Variants in PRKCA observed in about 807,000 individuals in gnomAD.
The protein encoded by PRKCA is protein kinase C alpha type.
Under a neutral mutation model 87.0 loss-of-function variants are expected in PRKCA, and 27 were observed. That is an observed-to-expected ratio of 0.31 (90% CI 0.23 to 0.43). The LOEUF is 0.43. PRKCA is among the 20% of genes least tolerant of loss of function. The pLI is 1.00. For missense variants in PRKCA, 518 were observed against 852.3 expected, an observed-to-expected ratio of 0.61 and a Z score of 4.88; for synonymous variants, 329 against 311.1, an observed-to-expected ratio of 1.06 and a Z score of -0.61.
At chr17:66,330,556 T>C (rs1258283405) in intron 2 of PRKCA, among the ~76,000 whole-genome samples, 1 of 152,218 alleles carries the variant, frequency 6.6e-6, no homozygotes, top group Admixed American at 6.5e-5. Context: ...CTATTCATCC[T>C]GTCAGAAGAG....
chr17:66,695,244 A>G (rs533967928), intron 8 of PRKCA, among the ~76,000 whole-genome samples: 49 of 152,348 alleles, frequency 3.2e-4, no homozygotes, highest in African/African-American at 1.2e-3. Context: ...AACCCCAGCC[A>G]TGGACCTGGC....
intron 3 of PRKCA, among the ~76,000 whole-genome samples, chr17:66,621,079 A>C (rs1970667066): frequency 6.6e-6 from 1 of 152,188 alleles, no homozygotes. Context: ...CTAAAGAGGA[A>C]CTCAAAGTTC....
At chr17:66,495,142 C>T (rs933595500) in intron 2 of PRKCA, among the ~76,000 whole-genome samples, 1 of 150,096 alleles carries the variant, frequency 6.7e-6, no homozygotes, top group South Asian at 2.1e-4. Flanking sequence ...CTTTCTATAA[C>T]AGTTATTTTG....
chr17:66,635,724 A>G (rs1340506512), intron 3 of PRKCA, among the ~76,000 whole-genome samples: 1 of 152,234 alleles, frequency 6.6e-6, no homozygotes, highest in African/African-American at 2.4e-5. Context: ...AGTATATTTA[A>G]TACATATGTA....
chr17:66,538,282 T>C (rs1212187986), intron 3 of PRKCA, among the ~76,000 whole-genome samples: 1 of 152,180 alleles, frequency 6.6e-6, no homozygotes, highest in South Asian at 2.1e-4. Flanking sequence ...AGTTTCCTCT[T>C]CTGCAAAATG....
intron 3 of PRKCA, among the ~76,000 whole-genome samples, chr17:66,596,483 A>G (rs1481623150): frequency 6.6e-6 from 1 of 150,574 alleles, no homozygotes; most frequent in Non-Finnish European, 1.5e-5. Flanking sequence ...AGTGATCAGT[A>G]TCTTCTTCAG....
chr17:66,790,993 T>TG (rs1475450952), intron 16 of PRKCA, among the ~76,000 whole-genome samples: 2 of 112,302 alleles, frequency 1.8e-5, no homozygotes, highest in East Asian at 7.0e-4. Flanking sequence ...GTTTGCTGGT[T>TG]TTTTTTTTTT....
intron 2 of PRKCA, chr17:66,404,240 C>A (rs1357064488): frequency 6.6e-6 from 1 of 152,168 alleles, no homozygotes; most frequent in African/African-American, 2.4e-5. Flanking sequence ...CTAGGAGAAG[C>A]CCAGGAAATG....
intron 5 of PRKCA, among the ~76,000 whole-genome samples, chr17:66,681,469 C>T (rs1598869652): frequency 6.6e-6 from 1 of 152,006 alleles, no homozygotes; most frequent in African/African-American, 2.4e-5. Context: ...GTGGTGACGG[C>T]GAAGATGATA....
At chr17:66,414,446 C>A (rs9972974) in intron 2 of PRKCA, among the ~76,000 whole-genome samples, 1 of 152,302 alleles carries the variant, frequency 6.6e-6, no homozygotes, top group African/African-American at 2.4e-5. Flanking sequence ...GCTTCCTGTA[C>A]GGCCTGTGGA....
At chr17:66,607,974 G>C (rs1310387120) in intron 3 of PRKCA, among the ~76,000 whole-genome samples, 1 of 152,222 alleles carries the variant, frequency 6.6e-6, no homozygotes, top group Non-Finnish European at 1.5e-5. Flanking sequence ...GCCAAAGACA[G>C]TTTTTACAAG....
At chr17:66,726,634 ACAGAG>A (rs2144179892) in intron 8 of PRKCA, among the ~76,000 whole-genome samples, 1 of 151,990 alleles carries the variant, frequency 6.6e-6, no homozygotes, top group Admixed American at 6.6e-5. Flanking sequence ...AAGCCGAGAG[ACAGAG>A]CAGAGCGAGT....
intron 3 of PRKCA, among the ~76,000 whole-genome samples, chr17:66,527,199 C>T (rs1967372925): frequency 6.6e-6 from 1 of 152,222 alleles, no homozygotes; most frequent in Non-Finnish European, 1.5e-5. Context: ...CTCCGCCTCT[C>T]TACCTGCCCA....
At chr17:66,400,931 T>C (rs544779731) in intron 2 of PRKCA, among the ~76,000 whole-genome samples, 11 of 152,240 alleles carry the variant, frequency 7.2e-5, no homozygotes, top group Non-Finnish European at 1.6e-4. Context: ...GTATACCATA[T>C]ATGTCCATAT....
rs1972725161 is a variant in PRKCA at position 66,689,629 on chromosome 17, G to C, written c.918+582G>C. ...TGTTTGCCTCTGTCCCGGATTCACTGGTCTTTTTACTTCTCCTCCTCTGCT... is the reference window on the plus strand; with the variant it reads ...TGTTTGCCTCTGTCCCGGATTCACTCGTCTTTTTACTTCTCCTCCTCTGCT... On this transcript the variant is annotated intron_variant, in intron 8 of 16. Coordinates refer to ENST00000413366, the MANE Select transcript of PRKCA (RefSeq NM_002737.3). The surrounding 1 kb of genome is among the most constrained non-coding windows in gnomAD (Gnocchi z 4.1). Among the ~76,000 whole-genome samples, 3 of 152,010 alleles carry C rather than the reference G, an allele frequency of 2.0e-5. No homozygotes were observed. Among genetic ancestry groups the C allele is most frequent in the African/African-American group, 7.2e-5 (3 of 41,382 alleles).
intron 3 of PRKCA, among the ~76,000 whole-genome samples, chr17:66,621,116 A>G (rs1970668342): frequency 6.6e-6 from 1 of 152,202 alleles, no homozygotes; most frequent in Admixed American, 6.5e-5. Flanking sequence ...GTTGACTTTG[A>G]TGTTCATCAA....
At chr17:66,671,348 C>T (rs931984183) in intron 5 of PRKCA, among the ~76,000 whole-genome samples, 3 of 152,114 alleles carry the variant, frequency 2.0e-5, no homozygotes, top group African/African-American at 7.2e-5. Flanking sequence ...ATGGGGCTGC[C>T]TGTGTTTTCA....
At chr17:66,590,971 A>G (rs1479397548) in intron 3 of PRKCA, among the ~76,000 whole-genome samples, 1 of 152,036 alleles carries the variant, frequency 6.6e-6, no homozygotes, top group African/African-American at 2.4e-5. Context: ...GGGGGAGCAC[A>G]TGGGCTCTGC....
At chr17:66,675,726 G>A (rs1253399185) in intron 5 of PRKCA, among the ~76,000 whole-genome samples, 1 of 152,096 alleles carries the variant, frequency 6.6e-6, no homozygotes, top group Admixed American at 6.5e-5. Context: ...GTGACACTTG[G>A]GAGCTACACT....
Sources: gnomAD v4.1 joint callset for allele counts (sites outside exome capture counted in the v4.1 genomes callset) on GRCh38, gnomAD v4.1.1 for gene constraint, Gnocchi (gnomAD v3.1) non-coding constraint, MANE v1.5 for transcripts, NCBI Gene and HGNC (gene_info 2026-07-23, HGNC 2026-07-21) for gene names.